Variants in STX8 observed in about 807,000 individuals in gnomAD.
The protein encoded by STX8 is syntaxin 8.
In STX8, 23 loss-of-function variants were observed where a neutral mutation model predicts 37.5. That is an observed-to-expected ratio of 0.61 (90% CI 0.44 to 0.87). The LOEUF (loss-of-function observed/expected upper bound fraction) is 0.87. Ranked by LOEUF, STX8 falls within the 40% of genes least tolerant of loss-of-function variation. The pLI is 0.00. For synonymous variants in STX8, 115 were observed against 99.1 expected (o/e 1.16, Z -0.95); for missense variants, 313 against 284.7 (o/e 1.10, Z -0.71).
chr17:9,552,023 A>G (rs111478563), intron 3 of STX8, among the ~76,000 whole-genome samples: 1 of 152,218 alleles, frequency 6.6e-6, no homozygotes, highest in South Asian at 2.1e-4. Context: ...TTTTAACACC[A>G]AAAACTAGAA....
At chr17:9,419,334 C>T (rs950239292) in intron 6 of STX8, among the ~76,000 whole-genome samples, 3 of 152,186 alleles carry the variant, frequency 2.0e-5, no homozygotes, top group Non-Finnish European at 4.4e-5. Flanking sequence ...ACCTCAGCCT[C>T]CCAAGTAAGC....
At chr17:9,559,978 T>G (rs1376788282) in intron 2 of STX8, among the ~76,000 whole-genome samples, 6 of 148,092 alleles carry the variant, frequency 4.1e-5, no homozygotes, top group Non-Finnish European at 8.9e-5. Context: ...GTCAGGCTGG[T>G]CTCGAACTCC....
At chr17:9,425,821 T>C (rs756021072) in intron 6 of STX8, among the ~76,000 whole-genome samples, 15 of 152,128 alleles carry the variant, frequency 9.9e-5, no homozygotes, top group Non-Finnish European at 2.1e-4. Context: ...TAGCACATAT[T>C]GGAGTTAGGG....
At chr17:9,495,243 A>C (rs1303115256) in intron 5 of STX8, among the ~76,000 whole-genome samples, 1 of 152,158 alleles carries the variant, frequency 6.6e-6, no homozygotes, top group Non-Finnish European at 1.5e-5. Context: ...GGACCATTTT[A>C]TAGTAAAATC....
intron 4 of STX8, among the ~76,000 whole-genome samples, chr17:9,509,570 T>C (rs1330208242): frequency 6.6e-6 from 1 of 151,972 alleles, no homozygotes; most frequent in Non-Finnish European, 1.5e-5. Flanking sequence ...AGTGAAAAGA[T>C]CATAACAGCC....
chr17:9,559,388 C>A (rs1449551926), intron 2 of STX8, among the ~76,000 whole-genome samples: 5 of 151,814 alleles, frequency 3.3e-5, no homozygotes, highest in African/African-American at 1.2e-4. Flanking sequence ...ATACTATCAA[C>A]AAGTAGAAAT....
At chr17:9,267,824 A>G (rs1256070207) in intron 7 of STX8, among the ~76,000 whole-genome samples, 1 of 152,040 alleles carries the variant, frequency 6.6e-6, no homozygotes, top group African/African-American at 2.4e-5. Flanking sequence ...TCCCATCTCT[A>G]CTAAAAATAC....
chr17:9,522,185 G>C (rs1411559211), intron 4 of STX8, among the ~76,000 whole-genome samples: 1 of 151,598 alleles, frequency 6.6e-6, no homozygotes, highest in African/African-American at 2.4e-5. Context: ...GTAGAAGAGG[G>C]GCAAAAAGGG....
chr17:9,539,484 T>A (rs542903264), intron 4 of STX8, among the ~76,000 whole-genome samples: 1 of 152,346 alleles, frequency 6.6e-6, no homozygotes, highest in African/African-American at 2.4e-5. Flanking sequence ...ACCCCAGTTC[T>A]CTAACAGTAA....
chr17:9,385,974 A>G (rs1158369336), intron 6 of STX8, among the ~76,000 whole-genome samples: 1 of 152,104 alleles, frequency 6.6e-6, no homozygotes, highest in Non-Finnish European at 1.5e-5. Context: ...GGGTTTCACC[A>G]TGTTGGCCAG....
intron 1 of STX8, among the ~76,000 whole-genome samples, chr17:9,572,629 C>T (rs1299672177): frequency 3.9e-5 from 6 of 151,984 alleles, no homozygotes; most frequent in Admixed American, 1.3e-4. Flanking sequence ...AGGCTGGTCT[C>T]GAACTCCTGA....
In STX8 at chr17:9,402,310, G is replaced by A. The variant is rs186543598; in HGVS notation, c.542-23657C>T. Reference sequence around the variant, plus strand: ...AATTTTTTGTATTTTTAGTAGAGACGGGGTTTCTCCATGTTGGTCAGGCTG... The same window carrying A: ...AATTTTTTGTATTTTTAGTAGAGACAGGGTTTCTCCATGTTGGTCAGGCTG... On this transcript the variant is annotated intron_variant, in intron 6 of 7. Coordinates refer to ENST00000306357, the MANE Select transcript of STX8 (RefSeq NM_004853.3). 6.3e-3 allele frequency among the ~76,000 whole-genome samples: 954 copies of A among 152,060 alleles called. 9 individuals carry two copies. The highest frequency in any genetic ancestry group is 0.022 in the African/African-American group (901 of 41,464).
chr17:9,301,658 T>G (rs1908792435), intron 7 of STX8, among the ~76,000 whole-genome samples: 1 of 151,518 alleles, frequency 6.6e-6, no homozygotes, highest in Non-Finnish European at 1.5e-5. Flanking sequence ...ATTTTTGTTT[T>G]TTTTTTTGTA....
At chr17:9,406,078 G>A (rs899985063) in intron 6 of STX8, among the ~76,000 whole-genome samples, 2 of 152,244 alleles carry the variant, frequency 1.3e-5, no homozygotes, top group South Asian at 2.1e-4. Flanking sequence ...CTGCAGTGAC[G>A]GCTTCATGTA....
At chr17:9,400,703 G>C (rs1912583238) in intron 6 of STX8, among the ~76,000 whole-genome samples, 1 of 152,166 alleles carries the variant, frequency 6.6e-6, no homozygotes, top group South Asian at 2.1e-4. Flanking sequence ...CCCGCGCCCG[G>C]CCGAGTCAGT....
chr17:9,351,520 T>C (rs1164091558), intron 7 of STX8, among the ~76,000 whole-genome samples: 4 of 152,170 alleles, frequency 2.6e-5, no homozygotes, highest in Admixed American at 6.5e-5. Flanking sequence ...AACAGAATCA[T>C]ATCATTGTTA....
At chr17:9,574,175 G>A (rs1907799086) in intron 1 of STX8, among the ~76,000 whole-genome samples, 1 of 151,704 alleles carries the variant, frequency 6.6e-6, no homozygotes, top group South Asian at 2.1e-4. Flanking sequence ...AGAGGCTGAG[G>A]CAGGAGAGTT....
At chr17:9,426,054 A>G (rs778240760) in intron 6 of STX8, among the ~76,000 whole-genome samples, 1 of 102,000 alleles carries the variant, frequency 9.8e-6, no homozygotes, top group Non-Finnish European at 2.0e-5. Context: ...ATTAGAACCT[A>G]GACAATCTGT....
chr17:9,484,396 A>C (rs1427130790), intron 6 of STX8, among the ~76,000 whole-genome samples: 1 of 151,996 alleles, frequency 6.6e-6, no homozygotes, highest in Non-Finnish European at 1.5e-5. Flanking sequence ...AAAAAAAAAA[A>C]AAAAAAGTCA....
Sources: gnomAD v4.1 joint callset for allele counts (sites outside exome capture counted in the v4.1 genomes callset) on GRCh38, gnomAD v4.1.1 for gene constraint, MANE v1.5 for transcripts, NCBI Gene and HGNC (gene_info 2026-07-23, HGNC 2026-07-21) for gene names.